SF3B3: variants seen among roughly 807,000 people sequenced by gnomAD.
SF3B3 encodes the protein splicing factor 3b subunit 3.
Under a neutral mutation model 139.2 loss-of-function variants are expected in SF3B3, and 33 were observed. The observed-to-expected ratio is 0.24, with a 90% confidence interval of 0.18 to 0.32. The LOEUF is 0.32. Among genes scored for constraint, SF3B3 ranks in the 10% least tolerant of loss-of-function variants. SF3B3 has a pLI of 1.00. For missense variants in SF3B3, 818 were observed against 1,509.4 expected, an observed-to-expected ratio of 0.54 and a Z score of 7.59; for synonymous variants, 596 against 563.6, an observed-to-expected ratio of 1.06 and a Z score of -0.81.
rs1290588558 is a variant in SF3B3, at chr16:70,543,403, C to T, written c.1234-1035C>T. 5.6e-5 allele frequency among the ~76,000 whole-genome samples: 7 copies of T among 126,090 alleles called. No homozygotes were observed. In the South Asian group the frequency reaches 1.0e-3, roughly 19 times the overall value. 82.7% of individuals were successfully genotyped at this position (126,090 alleles called of 152,430 possible). A position where few individuals can be genotyped will look rare whatever the true frequency, so the allele number is the denominator to read the frequency against. ...CCAGCCTGGGTAACGAGCGAAACCCCGTCTCAAAAAAGAAAAAAAAAAGGC... is the reference window on the plus strand; with the variant it reads ...CCAGCCTGGGTAACGAGCGAAACCCTGTCTCAAAAAAGAAAAAAAAAAGGC... On this transcript the variant is annotated intron_variant, in intron 9 of 25. Coordinates refer to ENST00000302516, the MANE Select transcript of SF3B3 (RefSeq NM_012426.5).
intron 11 of SF3B3, among the ~76,000 whole-genome samples, chr16:70,548,795 A>C (rs575381907): frequency 6.6e-6 from 1 of 152,332 alleles, no homozygotes; most frequent in African/African-American, 2.4e-5. Flanking sequence ...ATTCTTCTTC[A>C]ACTATATTCT....
intron 1 of SF3B3, 80 bp from the exon 2 acceptor site, chr16:70,526,507 C>T (rs965980329): frequency 1.6e-5 from 10 of 609,216 alleles, no homozygotes; most frequent in Middle Eastern, 2.5e-4. Context: ...GTTCTGCTGT[C>T]TTCATCCAGA....
At chr16:70,526,795 G>A (rs2050068796) in intron 2 of SF3B3, 69 bp downstream of exon 2, 2 of 1,084,490 alleles carry the variant, frequency 1.8e-6, no homozygotes, top group Non-Finnish European at 2.8e-6. Context: ...AGTCTCTTGT[G>A]CAGGAAATGT....
Position 70,567,181 on chromosome 16 carries a change from A to G in SF3B3, c.2827-230A>G, listed in dbSNP as rs371511258. ...AAACAGAGCACAAGCTCTGGACAGC[A>G]GTCGTCTGGTACCAGAACTTCTTGT... On this transcript the variant is annotated intron_variant, in intron 20 of 25. Coordinates refer to ENST00000302516, the MANE Select transcript of SF3B3 (RefSeq NM_012426.5). Among the ~76,000 whole-genome samples, 25 of 152,364 alleles carry G rather than the reference A, an allele frequency of 1.6e-4. 1 individual carries two copies. The highest frequency in any genetic ancestry group is 4.3e-4 in the African/African-American group (18 of 41,590).
intron 20 of SF3B3, among the ~76,000 whole-genome samples, chr16:70,566,317 C>T (rs995639757): frequency 1.3e-5 from 2 of 151,872 alleles, no homozygotes; most frequent in African/African-American, 2.4e-5. Flanking sequence ...AATCCCAGCA[C>T]TTTGGAAGGC....
At chr16:70,527,882 TCTC>T (rs1431411798) in intron 2 of SF3B3, among the ~76,000 whole-genome samples, 1 of 152,098 alleles carries the variant, frequency 6.6e-6, no homozygotes, top group Non-Finnish European at 1.5e-5. Flanking sequence ...TTCAAGCGAT[TCTC>T]CTGCCTCAGC....
At chr16:70,525,477 T>TA (rs2050052367) in intron 1 of SF3B3, among the ~76,000 whole-genome samples, 1 of 152,002 alleles carries the variant, frequency 6.6e-6, no homozygotes. Flanking sequence ...GTATCAGTTA[T>TA]AAGGAAAGGG....
intron 18 of SF3B3, among the ~76,000 whole-genome samples, chr16:70,564,692 T>C (rs1435022906): frequency 6.6e-6 from 1 of 152,254 alleles, no homozygotes; most frequent in Non-Finnish European, 1.5e-5. Flanking sequence ...CACGTAGAAC[T>C]GTATCCATCC....
chr16:70,524,346 A>G (rs540127003), intron 1 of SF3B3, among the ~76,000 whole-genome samples: 1 of 152,304 alleles, frequency 6.6e-6, no homozygotes, highest in African/African-American at 2.4e-5. Flanking sequence ...GTATTTTGGT[A>G]GTTGGGCAAC....
rs1366571675 is a variant in SF3B3, at chr16:70,524,048, A to G, written c.-71+120A>G. ...GTCTAGGCCCGAGAGGCTGGGGACC[A>G]GGAGGAGGTACCGAGGGATGGTTGA... is the stretch of plus-strand genomic sequence containing the variant. On this transcript the variant is annotated intron_variant, in intron 1 of 25. Coordinates refer to ENST00000302516, the MANE Select transcript of SF3B3 (RefSeq NM_012426.5). 5 of 398,908 alleles carry G rather than the reference A, an allele frequency of 1.3e-5. No homozygotes were observed. The Admixed American group carries it at 1.7e-4, about 14-fold the overall frequency. The allele number at this position is 398,908 out of a possible 1,614,324, so 24.7% of individuals were successfully genotyped here. A position where few individuals can be genotyped will look rare whatever the true frequency, so the allele number is the denominator to read the frequency against.
intron 9 of SF3B3, among the ~76,000 whole-genome samples, chr16:70,543,201 AGTT>A (rs1358248385): frequency 1.3e-5 from 2 of 151,554 alleles, no homozygotes; most frequent in African/African-American, 4.9e-5. Context: ...TGAGGTTGGG[AGTT>A]TGAGACCAGC....
intron 23 of SF3B3, 110 bp from the exon 24 acceptor site, chr16:70,569,896 T>G: frequency 8.1e-7 from 1 of 1,236,972 alleles, no homozygotes; most frequent in South Asian, 1.4e-5. Context: ...ATAATAATTT[T>G]TGGATGTTAA....
chr16:70,561,510 C>T, intron 16 of SF3B3, 120 bp from the exon 17 acceptor site: 1 of 816,494 alleles, frequency 1.2e-6, no homozygotes, highest in Non-Finnish European at 2.0e-6. Flanking sequence ...TGTTATATTT[C>T]TAGAATATCT....
At chr16:70,533,730 A>C (rs1035084128) in intron 5 of SF3B3, among the ~76,000 whole-genome samples, 2 of 152,226 alleles carry the variant, frequency 1.3e-5, no homozygotes. Flanking sequence ...AATCATTTGC[A>C]CTTCAACTGA....
intron 17 of SF3B3, 110 bp from the exon 18 acceptor site, chr16:70,563,766 A>T (rs911023851): frequency 9.9e-7 from 1 of 1,014,240 alleles, no homozygotes; most frequent in Non-Finnish European, 1.5e-6. Context: ...CCTAATGCCA[A>T]CGTTAGAGCT....
Position 70,551,532 on chromosome 16 carries a change from GTC to G in SF3B3, c.1403-2910_1403-2909del, listed in dbSNP as rs143186085. On this transcript the variant is annotated intron_variant, in intron 11 of 25. Transcript: ENST00000302516. ...AGCCTGACCAATATGGAGAAACCCT[GTC>G]TCTACTAAAAATGTAAAATTAGCTG... Among the ~76,000 whole-genome samples the G allele has an allele frequency of 4.6e-4, 70 of 152,222 alleles. No individual in the cohort carries two copies. The East Asian group carries it at 0.013, about 28-fold the overall frequency.
At chr16:70,528,093 C>G in intron 2 of SF3B3, among the ~76,000 whole-genome samples, 1 of 150,550 alleles carries the variant, frequency 6.6e-6, no homozygotes, top group African/African-American at 2.4e-5. Flanking sequence ...ATTTTTAATA[C>G]TAATTTTATC....
chr16:70,556,265 G>A lies in SF3B3; in HGVS notation c.1797G>A (p.Glu599=), dbSNP rs1305994549. The A allele has an allele frequency of 6.2e-7, 1 of 1,614,090 alleles. No homozygotes were observed. Among genetic ancestry groups the A allele is most frequent in the Non-Finnish European group, 8.5e-7 (1 of 1,180,050 alleles). ...CMSLANVPPG[E]QRSRFLAVGL... Reference sequence around the variant, plus strand: ...GTCTGGCCAATGTACCCCCTGGAGAGCAGCGGTCTCGCTTCCTGGCTGTGG... The same window carrying A: ...GTCTGGCCAATGTACCCCCTGGAGAACAGCGGTCTCGCTTCCTGGCTGTGG... The change falls in exon 14 of 26, where the codon GAG becomes GAA. Residue 599 remains glutamate, a synonymous_variant. Transcript: ENST00000302516.
intron 11 of SF3B3, among the ~76,000 whole-genome samples, chr16:70,551,370 A>T (rs2050323486): frequency 6.6e-6 from 1 of 152,118 alleles, no homozygotes; most frequent in African/African-American, 2.4e-5. Context: ...CTAGTCATTT[A>T]CCTTGACTAA....
Sources: allele counts gnomAD v4.1 joint callset (sites outside exome capture counted in the v4.1 genomes callset), GRCh38; gene constraint gnomAD v4.1.1; transcripts MANE v1.5; gene names NCBI Gene and HGNC (gene_info 2026-07-23, HGNC 2026-07-21).